XRCC5: variants seen among roughly 807,000 people sequenced by gnomAD.
XRCC5 encodes the protein DNA repair protein Ku80.
A neutral mutation model predicts 95.7 loss-of-function variants in XRCC5; 12 were observed. The observed-to-expected ratio is 0.13, with a 90% CI of 0.08 to 0.20. XRCC5 has a LOEUF of 0.20. XRCC5 is among the 10% of genes least tolerant of loss of function. The pLI is 1.00. For missense variants in XRCC5, 595 were observed against 873.9 expected (o/e 0.68, Z 4.02); for synonymous variants, 281 against 290.3 (o/e 0.97, Z 0.33).
At chr2:216,162,706 T>C (rs543034900) in intron 16 of XRCC5, among the ~76,000 whole-genome samples, 1 of 152,240 alleles carries the variant, frequency 6.6e-6, no homozygotes, top group African/African-American at 2.4e-5. Flanking sequence ...CTTCCTATTT[T>C]CAGAGACACA....
chr2:216,117,896 A>C lies in XRCC5; in HGVS notation c.368+102A>C, dbSNP rs913594517. Reference sequence around the variant, plus strand: ...TGTGATTCATTGTTAATCAAGCTGCATGTTTGTGTGACAAGAGAAACATTT... The same window carrying C: ...TGTGATTCATTGTTAATCAAGCTGCCTGTTTGTGTGACAAGAGAAACATTT... On this transcript the variant is annotated intron_variant, in intron 4 of 20. Transcript: ENST00000392132. 9.9e-6 allele frequency: 12 copies of C among 1,215,514 alleles called. No individual in the cohort carries two copies. The East Asian group carries it at 3.0e-4, about 30-fold the overall frequency. 75.3% of individuals were successfully genotyped at this position (1,215,514 alleles called of 1,614,324 possible). A position where few individuals can be genotyped will look rare whatever the true frequency, so the allele number is the denominator to read the frequency against.
intron 16 of XRCC5, among the ~76,000 whole-genome samples, chr2:216,171,935 A>C (rs1474690367): frequency 6.6e-6 from 1 of 152,176 alleles, no homozygotes; most frequent in Admixed American, 6.5e-5. Flanking sequence ...ATCTTTTGTA[A>C]ATTATAGAGT....
At chr2:216,153,809 C>G (rs1236452495) in intron 14 of XRCC5, among the ~76,000 whole-genome samples, 1 of 152,192 alleles carries the variant, frequency 6.6e-6, no homozygotes, top group Non-Finnish European at 1.5e-5. Flanking sequence ...TTTTTTATTT[C>G]AGAGCCTCAA....
intron 14 of XRCC5, chr2:216,156,857 C>G (rs145742600): frequency 2.7e-6 from 1 of 367,682 alleles, no homozygotes; most frequent in Admixed American, 2.9e-5. Context: ...CAGTGGGTGC[C>G]GCAAATGCTG....
intron 5 of XRCC5, 83 bp downstream of exon 5, chr2:216,119,248 T>C (rs781701367): frequency 1.9e-5 from 28 of 1,490,122 alleles, no homozygotes; most frequent in Non-Finnish European, 2.6e-5. Context: ...GAGTACTTGG[T>C]TTATGGGAAT....
Position 216,117,138 on chromosome 2 carries a change from C to T in XRCC5, c.319+296C>T. 9.0e-6 allele frequency: 3 copies of T among 333,394 alleles called. No homozygotes were observed. The South Asian group carries it at 1.9e-4, about 21-fold the overall frequency. The allele number at this position is 333,394 out of a possible 1,614,324, so 20.7% of individuals were successfully genotyped here. On this transcript the variant is annotated intron_variant, in intron 3 of 20. Coordinates refer to ENST00000392132, the MANE Select transcript of XRCC5 (RefSeq NM_021141.4). ...AGTATATGTGAGCATTGACTATATGCAGAGGGTTTTAGTGGTGCTCGTTAG... is the reference window on the plus strand; with the variant it reads ...AGTATATGTGAGCATTGACTATATGTAGAGGGTTTTAGTGGTGCTCGTTAG...
intron 14 of XRCC5, among the ~76,000 whole-genome samples, chr2:216,155,792 C>G (rs552577132): frequency 3.5e-4 from 53 of 152,058 alleles, no homozygotes; most frequent in Non-Finnish European, 6.9e-4. Flanking sequence ...ATATACACAT[C>G]TAAGATGTAT....
In XRCC5 at chr2:216,148,064, T is replaced by G; in HGVS notation, c.1477-19T>G. The G allele has an allele frequency of 6.3e-7, 1 of 1,594,982 alleles. No homozygotes were observed. Among genetic ancestry groups the G allele is most frequent in the Non-Finnish European group, 8.5e-7 (1 of 1,175,162 alleles). On this transcript the variant is annotated intron_variant, in intron 13 of 20. Coordinates refer to ENST00000392132, the MANE Select transcript of XRCC5 (RefSeq NM_021141.4). Reference sequence around the variant, plus strand: ...ATATGTCTCCATCTGTGTTTTAAAATCCTTACTTTTTCCAACAGTGTCTGC... The same window carrying G: ...ATATGTCTCCATCTGTGTTTTAAAAGCCTTACTTTTTCCAACAGTGTCTGC...
intron 9 of XRCC5, 128 bp from the exon 10 acceptor site, chr2:216,132,197 A>G (rs1697006520): frequency 1.3e-6 from 1 of 789,360 alleles, no homozygotes; most frequent in Non-Finnish European, 2.1e-6. Flanking sequence ...ACTTCAGGTA[A>G]TAAGGTGTTT....
At chr2:216,176,622 G>C (rs780166759) in intron 16 of XRCC5, among the ~76,000 whole-genome samples, 2 of 151,986 alleles carry the variant, frequency 1.3e-5, no homozygotes, top group Non-Finnish European at 2.9e-5. Flanking sequence ...GGTCAGTCTA[G>C]GTAAAGGCTT....
rs374627494 is a variant in XRCC5, at chr2:216,122,273, A to T, written c.683+20A>T. 289 of 1,581,740 alleles carry T rather than the reference A, an allele frequency of 1.8e-4. 1 individual carries two copies. In the African/African-American group the frequency reaches 3.6e-3, roughly 20 times the overall value. The stretch of plus-strand genomic sequence containing the variant: ...ATTCAGGTAAGAATTGAAAACATTG[A>T]TGGGAATTTTTAATTGTACCCACGT... On this transcript the variant is annotated intron_variant, in intron 6 of 20. Transcript: ENST00000392132.
intron 2 of XRCC5, among the ~76,000 whole-genome samples, chr2:216,115,392 A>G (rs1696676794): frequency 1.3e-5 from 2 of 152,126 alleles, no homozygotes; most frequent in Admixed American, 1.3e-4. Flanking sequence ...CCCTCCCATG[A>G]CTGAGATTTT....
Position 216,117,486 on chromosome 2 carries a change from AT to A in XRCC5, c.320-255del, listed in dbSNP as rs1185909941. On this transcript the variant is annotated intron_variant, in intron 3 of 20. Coordinates refer to ENST00000392132, the MANE Select transcript of XRCC5 (RefSeq NM_021141.4). ...GTTCTAGATACTATTAAATGACATA[AT>A]TTTTGGTTAAATGAATGCAATGTGT... is the stretch of plus-strand genomic sequence containing the variant. 3.6e-5 allele frequency: 17 copies of A among 471,116 alleles called. No individual in the cohort carries two copies. The East Asian group carries it at 5.4e-4, about 15-fold the overall frequency. 29.2% of individuals were successfully genotyped at this position (471,116 alleles called of 1,614,324 possible).
chr2:216,162,715 C>T (rs962465998), intron 16 of XRCC5, among the ~76,000 whole-genome samples: 1 of 152,116 alleles, frequency 6.6e-6, no homozygotes, highest in Non-Finnish European at 1.5e-5. Context: ...TTCAGAGACA[C>T]ATAATTCTTG....
chr2:216,109,909 C>G (rs1482903363), intron 1 of XRCC5, among the ~76,000 whole-genome samples: 2 of 152,188 alleles, frequency 1.3e-5, no homozygotes, highest in Admixed American at 6.5e-5. Flanking sequence ...GAGGGACTAT[C>G]TGTGACTAAA....
At chr2:216,134,265 A>G (rs144185262) in intron 10 of XRCC5, among the ~76,000 whole-genome samples, 1 of 152,282 alleles carries the variant, frequency 6.6e-6, no homozygotes, top group Non-Finnish European at 1.5e-5. Flanking sequence ...AATTTTTTGT[A>G]TTGAGAATCT....
At chr2:216,125,193 T>A (rs894154287) in intron 6 of XRCC5, among the ~76,000 whole-genome samples, 2 of 149,358 alleles carry the variant, frequency 1.3e-5, no homozygotes, top group African/African-American at 5.1e-5. Flanking sequence ...CTTTTTTTTT[T>A]CCTTTTTTCT....
intron 16 of XRCC5, chr2:216,175,483 T>G: frequency 4.1e-6 from 2 of 492,358 alleles, no homozygotes; most frequent in Admixed American, 4.4e-5. Context: ...GTGTGGTGTT[T>G]CTAAACAACA....
chr2:216,150,956 A>T (rs998966041), intron 14 of XRCC5, among the ~76,000 whole-genome samples: 1 of 152,224 alleles, frequency 6.6e-6, no homozygotes, highest in Admixed American at 6.5e-5. Flanking sequence ...CCCTGATGTC[A>T]CAAGGCGATA....
Sources: gnomAD v4.1 joint callset for allele counts (sites outside exome capture counted in the v4.1 genomes callset) on GRCh38, gnomAD v4.1.1 for gene constraint, MANE v1.5 for transcripts, NCBI Gene and HGNC (gene_info 2026-07-23, HGNC 2026-07-21) for gene names.